The following TNIK variants were observed in gnomAD, a reference collection of about 807,000 sequenced individuals.
TNIK encodes TRAF2 and NCK-interacting protein kinase.
Under a neutral mutation model 191.3 loss-of-function variants are expected in TNIK, and 49 were observed. That is an observed-to-expected ratio of 0.26 (90% CI 0.20 to 0.32). The LOEUF is 0.32. TNIK is among the 10% of genes least tolerant of loss of function. TNIK has a pLI of 1.00. For synonymous variants in TNIK, 594 were observed against 600.9 expected (o/e 0.99, Z 0.17); for missense variants, 1,155 against 1,702.3 (o/e 0.68, Z 5.66).
At chr3:171,176,825 G>A (rs1355556010) in intron 8 of TNIK, among the ~76,000 whole-genome samples, 1 of 152,212 alleles carries the variant, frequency 6.6e-6, no homozygotes, top group East Asian at 1.9e-4. Context: ...CAAATCTCAA[G>A]GAACTGAGAT....
chr3:171,152,243 C>T (rs76114446), intron 12 of TNIK, among the ~76,000 whole-genome samples: 3,242 of 151,590 alleles, frequency 0.021, 126 homozygotes, highest in African/African-American at 0.075. Context: ...ATGATCGTGC[C>T]TCCAACCTGG....
At chr3:171,228,243 A>G (rs367605518) in intron 2 of TNIK, 22 bp from the exon 3 acceptor site, 9 of 1,613,296 alleles carry the variant, frequency 5.6e-6, no homozygotes, top group Non-Finnish European at 7.6e-6. Context: ...AAATAATAAC[A>G]AAAGATTTAG....
At chr3:171,365,092 T>C (rs1715504519) in intron 2 of TNIK, among the ~76,000 whole-genome samples, 1 of 149,276 alleles carries the variant, frequency 6.7e-6, no homozygotes, top group Admixed American at 6.8e-5. Flanking sequence ...GAGATGTAAG[T>C]ATATGTTTGG....
intron 2 of TNIK, among the ~76,000 whole-genome samples, chr3:171,255,785 C>T (rs1166485160): frequency 6.6e-6 from 1 of 152,144 alleles, no homozygotes; most frequent in African/African-American, 2.4e-5. Context: ...GGCTGCTGCT[C>T]AGTGTTTCAG....
intron 4 of TNIK, among the ~76,000 whole-genome samples, chr3:171,209,895 T>C (rs866790930): frequency 3.9e-5 from 6 of 152,326 alleles, no homozygotes; most frequent in Middle Eastern, 3.4e-3. Context: ...CCCCACTGGA[T>C]TGGAAATGTC....
intron 1 of TNIK, among the ~76,000 whole-genome samples, chr3:171,404,521 T>G (rs1721414068): frequency 6.6e-6 from 1 of 151,690 alleles, no homozygotes; most frequent in Non-Finnish European, 1.5e-5. Context: ...GTTTGTGCCT[T>G]GAGTTTGTTT....
At chr3:171,302,229 T>C (rs1261718266) in intron 2 of TNIK, among the ~76,000 whole-genome samples, 1 of 152,182 alleles carries the variant, frequency 6.6e-6, no homozygotes, top group Admixed American at 6.5e-5. Context: ...CTCACAAGCC[T>C]GTCTCTGATA....
chr3:171,169,708 AG>A (rs1735054784), intron 9 of TNIK, among the ~76,000 whole-genome samples: 1 of 152,222 alleles, frequency 6.6e-6, no homozygotes, highest in Non-Finnish European at 1.5e-5. Context: ...CTAAAATAAC[AG>A]TCAGAGAAAT....
intron 1 of TNIK, among the ~76,000 whole-genome samples, chr3:171,399,690 C>G (rs1720678602): frequency 6.6e-6 from 1 of 152,102 alleles, no homozygotes; most frequent in South Asian, 2.1e-4. Flanking sequence ...ACACTATATA[C>G]AGTTTGATCC....
chr3:171,436,558 T>C (rs1000739146), intron 1 of TNIK, among the ~76,000 whole-genome samples: 1 of 152,228 alleles, frequency 6.6e-6, no homozygotes, highest in Non-Finnish European at 1.5e-5. Context: ...AGCACCAAGA[T>C]TCAAATCCAG....
intron 22 of TNIK, among the ~76,000 whole-genome samples, chr3:171,100,636 C>G (rs371343607): frequency 6.6e-6 from 1 of 150,640 alleles, no homozygotes; most frequent in Non-Finnish European, 1.5e-5. Context: ...GCACAAACAC[C>G]TTGTGCTTAC....
intron 18 of TNIK, among the ~76,000 whole-genome samples, chr3:171,114,828 A>C (rs1249841588): frequency 6.6e-6 from 1 of 152,246 alleles, no homozygotes; most frequent in East Asian, 1.9e-4. Flanking sequence ...TGACTAAAAT[A>C]GATTTGGATC....
intron 18 of TNIK, among the ~76,000 whole-genome samples, chr3:171,121,713 C>T (rs1343356887): frequency 6.6e-6 from 1 of 152,212 alleles, no homozygotes; most frequent in Non-Finnish European, 1.5e-5. Context: ...TGAACTAAAG[C>T]TGTGGCTCTC....
intron 2 of TNIK, among the ~76,000 whole-genome samples, chr3:171,314,320 C>G (rs927217691): frequency 6.6e-6 from 1 of 152,162 alleles, no homozygotes; most frequent in Non-Finnish European, 1.5e-5. Context: ...GCCTATGACC[C>G]TGAGACCTTT....
intron 6 of TNIK, 60 bp from the exon 7 acceptor site, chr3:171,188,892 A>C: frequency 6.4e-7 from 1 of 1,568,050 alleles, no homozygotes; most frequent in Admixed American, 1.8e-5. Flanking sequence ...TAGCGATAAA[A>C]TGAATGTGAA....
intron 7 of TNIK, among the ~76,000 whole-genome samples, chr3:171,188,081 G>A (rs1737588475): frequency 1.3e-5 from 2 of 152,150 alleles, no homozygotes; most frequent in African/African-American, 4.8e-5. Context: ...GAAAAGAGAA[G>A]GGCTTCTTGG....
At chr3:171,269,004 A>G (rs1230896883) in intron 2 of TNIK, among the ~76,000 whole-genome samples, 1 of 152,220 alleles carries the variant, frequency 6.6e-6, no homozygotes, top group Non-Finnish European at 1.5e-5. Flanking sequence ...GAGTAATTCA[A>G]TTCTCACTTG....
chr3:171,271,060 C>T (rs145748986), intron 2 of TNIK, among the ~76,000 whole-genome samples: 70 of 152,290 alleles, frequency 4.6e-4, no homozygotes, highest in African/African-American at 1.4e-3. Flanking sequence ...AGTACACTGC[C>T]TGATACATGG....
chr3:171,093,807 A>G (rs764129466), intron 23 of TNIK, 32 bp downstream of exon 23: 1 of 1,610,568 alleles, frequency 6.2e-7, no homozygotes, highest in Non-Finnish European at 8.5e-7. Flanking sequence ...AAGAAATGGC[A>G]TTTCCTCTAC....
Sources: gnomAD v4.1 joint callset for allele counts (sites outside exome capture counted in the v4.1 genomes callset) on GRCh38, gnomAD v4.1.1 for gene constraint, MANE v1.5 for transcripts, NCBI Gene and HGNC (gene_info 2026-07-23, HGNC 2026-07-21) for gene names.